Variants in LMO7 observed in about 807,000 individuals in gnomAD.
LMO7 encodes LIM domain 7, also known as LIM domain only protein 7.
Under a neutral mutation model 206.5 loss-of-function variants are expected in LMO7, and 120 were observed. The observed-to-expected ratio is 0.58, with a 90% confidence interval of 0.50 to 0.68. The LOEUF is 0.68. LMO7 is among the 30% of genes least tolerant of loss of function. LMO7 has a pLI of 0.00. For missense variants in LMO7, 1,959 were observed against 1,957.9 expected (o/e 1.00, Z -0.01); for synonymous variants, 706 against 681.5 (o/e 1.04, Z -0.56).
At chr13:75,657,489 A>G (rs1167195884) in intron 1 of LMO7, among the ~76,000 whole-genome samples, 2 of 152,168 alleles carry the variant, frequency 1.3e-5, no homozygotes, top group Admixed American at 1.3e-4. Context: ...CCTGAAGCAT[A>G]GTTATGAAAC....
chr13:75,800,437 A>G (rs1380881830), intron 6 of LMO7, among the ~76,000 whole-genome samples: 3 of 152,180 alleles, frequency 2.0e-5, no homozygotes, highest in South Asian at 2.1e-4. Flanking sequence ...ATTAAATAAT[A>G]TTGAATATCT....
chr13:75,706,566 T>C (rs1170119891), intron 1 of LMO7, among the ~76,000 whole-genome samples: 2 of 152,108 alleles, frequency 1.3e-5, no homozygotes, highest in Non-Finnish European at 2.9e-5. Context: ...GTATTATATT[T>C]TTATTATCTT....
At chr13:75,856,062 A>AGCCT (rs1277183038) in intron 29 of LMO7, among the ~76,000 whole-genome samples, 8 of 152,164 alleles carry the variant, frequency 5.3e-5, no homozygotes, top group Non-Finnish European at 8.8e-5. Context: ...CGAAATATCC[A>AGCCT]GCCTTGAAGT....
chr13:75,834,557 CTGT>C (rs1172164305), intron 17 of LMO7, among the ~76,000 whole-genome samples, 170 bp downstream of exon 17: 1 of 115,752 alleles, frequency 8.6e-6, no homozygotes, highest in Admixed American at 1.1e-4. Context: ...TTTGAATACT[CTGT>C]CTGGATTTTT....
At chr13:75,771,750 T>A (rs2140055674) in intron 4 of LMO7, among the ~76,000 whole-genome samples, 1 of 152,194 alleles carries the variant, frequency 6.6e-6, no homozygotes, top group South Asian at 2.1e-4. Flanking sequence ...GATATTATTT[T>A]GTTGTAATTT....
chr13:75,813,953 T>C (rs1009678637), intron 11 of LMO7, among the ~76,000 whole-genome samples: 1 of 152,204 alleles, frequency 6.6e-6, no homozygotes, highest in Non-Finnish European at 1.5e-5. Flanking sequence ...TTTTCCTGCC[T>C]CTTCTTAGTG....
In LMO7 at chr13:75,762,779, G is replaced by C. The variant is rs183851235; in HGVS notation, c.317+1741G>C. On this transcript the variant is annotated intron_variant, in intron 4 of 30. Coordinates refer to ENST00000377534, the MANE Select transcript of LMO7 (RefSeq NM_001306080.2). ...AAGTAGTACCTGTGAGAATGCCTGA[G>C]TGGGAACCTTGACTTCACTTAAGAA... is the stretch of plus-strand genomic sequence containing the variant. Among the ~76,000 whole-genome samples, 149 of 152,282 alleles carry C rather than the reference G, an allele frequency of 9.8e-4. 1 individual carries two copies. The highest frequency in any genetic ancestry group is 3.5e-3 in the African/African-American group (146 of 41,570).
At chr13:75,625,207 T>A (rs1777816857) in intron 2 of LMO7, among the ~76,000 whole-genome samples, 1 of 152,208 alleles carries the variant, frequency 6.6e-6, no homozygotes, top group Admixed American at 6.5e-5. Context: ...GGCAAATATG[T>A]CTAGCAAAGA....
chr13:75,635,042 A>AC, upstream of LMO7, among the ~76,000 whole-genome samples: 1 of 151,782 alleles, frequency 6.6e-6, no homozygotes, highest in African/African-American at 2.4e-5. Flanking sequence ...ACAAAACAAA[A>AC]ACAAACAGAA....
At chr13:75,642,496 G>A (rs1770096613) in intron 1 of LMO7, among the ~76,000 whole-genome samples, 1 of 150,764 alleles carries the variant, frequency 6.6e-6, no homozygotes, top group African/African-American at 2.4e-5. Flanking sequence ...TTGGCTGCTT[G>A]GGAGGCTGAG....
intron 16 of LMO7, 68 bp from the exon 17 acceptor site, chr13:75,834,158 C>T (rs1595403786): frequency 2.5e-6 from 3 of 1,207,456 alleles, no homozygotes; most frequent in African/African-American, 3.1e-5. Flanking sequence ...TTCTTAAGTT[C>T]AAAGCAGCAA....
chr13:75,827,973 A>G (rs1171284825), intron 15 of LMO7, among the ~76,000 whole-genome samples: 2 of 152,166 alleles, frequency 1.3e-5, no homozygotes, highest in Non-Finnish European at 2.9e-5. Context: ...CACCTTCACT[A>G]GGACCTGCTC....
chr13:75,680,829 T>G (rs1276048991), intron 1 of LMO7, among the ~76,000 whole-genome samples: 1 of 152,188 alleles, frequency 6.6e-6, no homozygotes, highest in Non-Finnish European at 1.5e-5. Flanking sequence ...TGTTAGGTTT[T>G]CTGTTCTCGT....
intron 3 of LMO7, among the ~76,000 whole-genome samples, chr13:75,759,628 C>T (rs1029712338): frequency 6.6e-6 from 1 of 152,164 alleles, no homozygotes; most frequent in East Asian, 1.9e-4. Context: ...TTCGCACTGC[C>T]TTTTACTCAC....
chr13:75,677,898 T>C (rs1272752464), intron 1 of LMO7, among the ~76,000 whole-genome samples: 2 of 150,022 alleles, frequency 1.3e-5, no homozygotes, highest in African/African-American at 2.5e-5. Context: ...CAGTGTTTGG[T>C]TTTTTGTCCT....
chr13:75,782,936 G>A (rs1361726900), intron 4 of LMO7, among the ~76,000 whole-genome samples: 2 of 152,164 alleles, frequency 1.3e-5, no homozygotes, highest in Admixed American at 6.5e-5. Flanking sequence ...GCCATGTAGG[G>A]TAACATTCAC....
chr13:75,732,896 C>A (rs1317181798), intron 3 of LMO7, among the ~76,000 whole-genome samples: 1 of 152,142 alleles, frequency 6.6e-6, no homozygotes, highest in African/African-American at 2.4e-5. Context: ...CACTCCAGAC[C>A]CTGTTTGCCT....
At position 75,807,796 on chromosome 13, in the gene LMO7, G is replaced by T. The variant is rs755801347; in HGVS notation, c.1513G>T (p.Gly505Cys). 6.2e-7 allele frequency: 1 copy of T among 1,613,838 alleles called. No individual in the cohort carries two copies. The highest frequency in any genetic ancestry group is 1.3e-5 in the African/African-American group (1 of 74,988). The change falls in exon 10 of 31, where the codon GGT becomes TGT. Residue 505 changes from glycine (G) to cysteine (C), a missense_variant. Physicochemically the swap from Gly to Cys is radical, Grantham distance 159. Transcript: ENST00000377534. The part of the protein sequence containing the change: ...ERDIILQCRE[G>C]ELVLPDLEKD... ...AGATATAATTTTACAGTGTAGAGAA[G>T]GTGAACTTGTACTTCCGGATTTGGA...
chr13:75,773,861 G>A (rs150601147), intron 4 of LMO7, among the ~76,000 whole-genome samples: 6 of 152,254 alleles, frequency 3.9e-5, no homozygotes, highest in Non-Finnish European at 8.8e-5. Context: ...CAGCTCTGAG[G>A]AAGTGAAGGT....
Sources: gnomAD v4.1 joint callset for allele counts (sites outside exome capture counted in the v4.1 genomes callset) on GRCh38, gnomAD v4.1.1 for gene constraint, MANE v1.5 for transcripts, NCBI Gene and HGNC (gene_info 2026-07-23, HGNC 2026-07-21) for gene names.